CALN1: variants seen among roughly 807,000 people sequenced by gnomAD.
CALN1 encodes the protein calcium-binding protein 8.
In CALN1, 17 loss-of-function variants were observed where a neutral mutation model predicts 30.6. The observed-to-expected ratio is 0.56, with a 90% CI of 0.38 to 0.83. CALN1 has a LOEUF of 0.83. CALN1 is among the 40% of genes least tolerant of loss of function. The pLI is 0.00. For missense variants in CALN1, 291 were observed against 354.9 expected (o/e 0.82, Z 1.45); for synonymous variants, 156 against 131.4 (o/e 1.19, Z -1.28).
intron 5 of CALN1, among the ~76,000 whole-genome samples, chr7:71,984,736 G>T (rs576536125): frequency 4.6e-5 from 7 of 152,322 alleles, no homozygotes; most frequent in African/African-American, 1.7e-4. Flanking sequence ...CAGACCAGCT[G>T]CAGAGTAAAT....
intron 2 of CALN1, among the ~76,000 whole-genome samples, chr7:72,294,555 G>C (rs1798717263): frequency 1.3e-5 from 2 of 151,984 alleles, no homozygotes; most frequent in Non-Finnish European, 2.9e-5. Context: ...TTTGAGACCA[G>C]CCTGGGCAAC....
intron 2 of CALN1, among the ~76,000 whole-genome samples, chr7:72,330,016 C>T (rs904458499): frequency 3.3e-5 from 5 of 151,404 alleles, no homozygotes; most frequent in African/African-American, 7.3e-5. Flanking sequence ...TTAGGTCGGG[C>T]GCAGTGGCTT....
chr7:72,343,356 G>C (rs901764814), intron 2 of CALN1, among the ~76,000 whole-genome samples: 9 of 152,080 alleles, frequency 5.9e-5, no homozygotes, highest in African/African-American at 1.9e-4. Context: ...AGACTAGCCT[G>C]GTCAACATGG....
intron 4 of CALN1, among the ~76,000 whole-genome samples, chr7:72,090,256 C>A (rs1211070657): frequency 6.6e-6 from 1 of 152,062 alleles, no homozygotes; most frequent in African/African-American, 2.4e-5. Context: ...GAGCTGAGAT[C>A]GCGCCACTGC....
intron 4 of CALN1, among the ~76,000 whole-genome samples, chr7:72,082,831 G>A (rs1046592032): frequency 2.0e-5 from 3 of 152,296 alleles, no homozygotes; most frequent in African/African-American, 4.8e-5. Flanking sequence ...TCTTTGGTGC[G>A]TAGATTTTAT....
At chr7:72,370,592 T>C (rs1246275921) in intron 2 of CALN1, among the ~76,000 whole-genome samples, 1 of 148,578 alleles carries the variant, frequency 6.7e-6, no homozygotes, top group Non-Finnish European at 1.5e-5. Flanking sequence ...AGGCGGAGCT[T>C]AGAAGGGTGA....
rs1016466931 is a variant in CALN1, at chr7:72,074,418, G to GT, written c.388+31732dup. ...ATTAACAGATGAGCAAATATACCTTGTTTTTTTGAGACAGGGTCTCGCTCT... is the reference window on the plus strand; with the variant it reads ...ATTAACAGATGAGCAAATATACCTTGTTTTTTTTGAGACAGGGTCTCGCTCT... On this transcript the variant is annotated intron_variant, in intron 4 of 6. Transcript: ENST00000395275. 2.6e-5 allele frequency among the ~76,000 whole-genome samples: 4 copies of GT among 152,004 alleles called. No homozygotes were observed. In the South Asian group the frequency reaches 6.2e-4, roughly 24 times the overall value.
Position 71,868,370 on chromosome 7 carries a change from C to CT in CALN1, c.502-57879dup, listed in dbSNP as rs11350119. Among the ~76,000 whole-genome samples, 245 of 137,020 alleles carry CT rather than the reference C, an allele frequency of 1.8e-3. 1 individual carries two copies. The highest frequency in any genetic ancestry group is 7.6e-3 in the Middle Eastern group (2 of 264). 89.9% of individuals were successfully genotyped at this position (137,020 alleles called of 152,430 possible). The stretch of plus-strand genomic sequence containing the variant: ...GCGAGAGGGGAGGAAGTGCTACACA[C>CT]TTTTTTTTTTTTTTTTTTTGAGACG... On this transcript the variant is annotated intron_variant, in intron 5 of 6. Coordinates refer to ENST00000395275, the MANE Select transcript of CALN1 (RefSeq NM_031468.4).
chr7:72,072,095 G>C (rs1258942089), intron 4 of CALN1, among the ~76,000 whole-genome samples: 1 of 152,096 alleles, frequency 6.6e-6, no homozygotes, highest in Non-Finnish European at 1.5e-5. Context: ...AAAAGGGTAG[G>C]GGAATATCTG....
Position 71,906,387 on chromosome 7 carries a change from G to A in CALN1, c.502-95895C>T, listed in dbSNP as rs141569562. Among the ~76,000 whole-genome samples the A allele has an allele frequency of 4.9e-3, 751 of 152,290 alleles. 9 individuals are homozygous for A. Among genetic ancestry groups the A allele is most frequent in the Admixed American group, 0.012 (180 of 15,296 alleles). ...GCTTAGATATTGATCCAGAGACTCC[G>A]AATGGGTGGGGAGATGCAGATGGAA... is the stretch of plus-strand genomic sequence containing the variant. On this transcript the variant is annotated intron_variant, in intron 5 of 6. Transcript: ENST00000395275.
At chr7:71,931,938 GAGC>G (rs1795576564) in intron 5 of CALN1, among the ~76,000 whole-genome samples, 1 of 152,178 alleles carries the variant, frequency 6.6e-6, no homozygotes, top group African/African-American at 2.4e-5. Context: ...TGAGACACAT[GAGC>G]AGAGAATCAG....
chr7:71,793,011 A>G (rs13223074), intron 6 of CALN1, among the ~76,000 whole-genome samples: 38,821 of 151,904 alleles, frequency 0.26, 8,129 homozygotes, highest in East Asian at 0.66. Flanking sequence ...TCCTATAAGC[A>G]GAGAGGAGCA....
intron 3 of CALN1, among the ~76,000 whole-genome samples, chr7:72,132,050 A>G (rs1014984863): frequency 6.6e-5 from 10 of 152,214 alleles, no homozygotes; most frequent in Non-Finnish European, 1.3e-4. Flanking sequence ...TATATGCAAT[A>G]TATGTTTATT....
intron 3 of CALN1, among the ~76,000 whole-genome samples, chr7:72,216,451 T>G (rs1792821702): frequency 6.6e-6 from 1 of 151,906 alleles, no homozygotes; most frequent in Non-Finnish European, 1.5e-5. Context: ...TACATATATC[T>G]TTCATAGGTC....
At chr7:71,868,214 A>C (rs2116712780) in intron 5 of CALN1, among the ~76,000 whole-genome samples, 1 of 152,230 alleles carries the variant, frequency 6.6e-6, no homozygotes, top group Non-Finnish European at 1.5e-5. Context: ...AAAGAAAAGA[A>C]GTTTCATTGG....
At position 72,368,354 on chromosome 7, in the gene CALN1, G is replaced by A. The variant is rs7812107; in HGVS notation, c.119+34897C>T. ...CACTTTTTACATATATACACAAAGG[G>A]CATACATGCACAGAAAGCACATAAG... On this transcript the variant is annotated intron_variant, in intron 2 of 6. Coordinates refer to ENST00000395275, the MANE Select transcript of CALN1 (RefSeq NM_031468.4). Among the ~76,000 whole-genome samples, 694 of 151,516 alleles carry A rather than the reference G, an allele frequency of 4.6e-3. 4 individuals carry two copies. Among genetic ancestry groups the A allele is most frequent in the African/African-American group, 0.015 (634 of 41,270 alleles).
chr7:72,049,027 T>C (rs1470097173), intron 4 of CALN1, among the ~76,000 whole-genome samples: 2 of 152,148 alleles, frequency 1.3e-5, no homozygotes, highest in Non-Finnish European at 2.9e-5. Flanking sequence ...CAGGCTGCTC[T>C]AGAACTTCCA....
chr7:72,369,701 G>C (rs1017146355), intron 2 of CALN1, among the ~76,000 whole-genome samples: 8 of 152,084 alleles, frequency 5.3e-5, no homozygotes, highest in Non-Finnish European at 1.2e-4. Context: ...ACCATAGTTT[G>C]CATTTCCTAG....
chr7:72,060,967 A>G (rs530583259), intron 4 of CALN1, among the ~76,000 whole-genome samples: 1 of 152,348 alleles, frequency 6.6e-6, no homozygotes, highest in African/African-American at 2.4e-5. Flanking sequence ...AAACTCCTCC[A>G]TAGCAACAAC....
Sources: allele counts gnomAD v4.1 joint callset (sites outside exome capture counted in the v4.1 genomes callset), GRCh38; gene constraint gnomAD v4.1.1; transcripts MANE v1.5; gene names NCBI Gene and HGNC (gene_info 2026-07-23, HGNC 2026-07-21).